Variants in ABCA10 observed in about 807,000 individuals in gnomAD.
ABCA10 encodes the protein ATP binding cassette subfamily A member 10.
ABCA10 carries 169 observed loss-of-function variants against 187.5 expected under a neutral mutation model. That is an observed-to-expected ratio of 0.90 (90% CI 0.80 to 1.02). The LOEUF (loss-of-function observed/expected upper bound fraction) is 1.02. Ranked by LOEUF, ABCA10 falls within the 50% of genes least tolerant of loss-of-function variation. The pLI is 0.00. For synonymous variants in ABCA10, 574 were observed against 601.8 expected, an observed-to-expected ratio of 0.95 and a Z score of 0.68; for missense variants, 1,727 against 1,812.4, an observed-to-expected ratio of 0.95 and a Z score of 0.86.
chr17:69,199,741 T>G (rs1161701223), intron 10 of ABCA10, among the ~76,000 whole-genome samples: 1 of 152,240 alleles, frequency 6.6e-6, no homozygotes, highest in Non-Finnish European at 1.5e-5. Context: ...CTCATGATCC[T>G]GGGCATTTAT....
intron 18 of ABCA10, among the ~76,000 whole-genome samples, chr17:69,189,941 CTTATT>C (rs923211243): frequency 1.3e-5 from 2 of 151,832 alleles, no homozygotes; most frequent in African/African-American, 2.4e-5. Flanking sequence ...GAAATAACAT[CTTATT>C]TTATTACTTC....
upstream of ABCA10, among the ~76,000 whole-genome samples, chr17:69,230,255 T>C (rs184308682): frequency 6.6e-6 from 1 of 152,262 alleles, no homozygotes; most frequent in East Asian, 1.9e-4. Flanking sequence ...TAAGTTTCTT[T>C]TCTTTATAAA....
chr17:69,153,910 G>C lies in ABCA10; in HGVS notation c.3886C>G (p.Leu1296Val). Residue 1296 changes from leucine (L) to valine (V), a missense_variant, in exon 32 of 39, where the codon CTT becomes GTT. Leu to Val is a conservative substitution (Grantham distance 32). Coordinates refer to ENST00000690296, the MANE Select transcript of ABCA10 (RefSeq NM_001377321.1). ...AACTCCAAGTGCTCTTTCATTGTAA[G>C]CTTGGGCCACAGTGAGTTCTCCTGA... ...CPQENSLWPK[L>V]TMKEHLELYA... is the part of the protein sequence containing the mutation. 6.2e-7 allele frequency: 1 copy of C among 1,614,092 alleles called. No homozygotes were observed. The highest frequency in any genetic ancestry group is 8.5e-7 in the Non-Finnish European group (1 of 1,179,986).
At chr17:69,179,527 C>T (rs1024598) in intron 22 of ABCA10, among the ~76,000 whole-genome samples, 84,194 of 151,994 alleles carry the variant, frequency 0.55, 25,006 homozygotes, top group Non-Finnish European at 0.67. Flanking sequence ...AGAGTAACTT[C>T]TTTCCTCAGC....
intron 11 of ABCA10, 75 bp downstream of exon 11, chr17:69,196,989 C>T: frequency 3.9e-6 from 4 of 1,024,880 alleles, no homozygotes; most frequent in Non-Finnish European, 5.3e-6. Flanking sequence ...CGCTTGGCAT[C>T]AGAGGGAGAC....
At position 69,182,431 on chromosome 17, in the gene ABCA10, G is replaced by A. The variant is rs890062089; in HGVS notation, c.2632-141C>T. The A allele has an allele frequency of 1.4e-5, 13 of 954,154 alleles. No individual in the cohort carries two copies. The Admixed American group carries it at 2.3e-4, about 17-fold the overall frequency. 59.1% of individuals were successfully genotyped at this position (954,154 alleles called of 1,614,324 possible). A position where few individuals can be genotyped will look rare whatever the true frequency, so the allele number is the denominator to read the frequency against. On this transcript the variant is annotated intron_variant, in intron 21 of 38. Coordinates refer to ENST00000690296, the MANE Select transcript of ABCA10 (RefSeq NM_001377321.1). ...TTGACACTTCTGCCTTCTTTGAATT[G>A]GTACAAGAATGCATTATTTTTGTAA...
rs780847872 is a variant in ABCA10 at position 69,197,107 on chromosome 17, T to A, written c.1191A>T (p.Ile397=). The part of the protein sequence containing the change: ...GKEAIRIRNV[I]KEYNGKTGKV... ...TTCCAGTCTTTCCATTATATTCTTT[T>A]ATAACATTTCTGATTCTGAAAGAAG... is the stretch of plus-strand genomic sequence containing the variant. Residue 397 remains isoleucine, a synonymous_variant, in exon 11 of 39, where the codon ATA becomes ATT. Coordinates refer to ENST00000690296, the MANE Select transcript of ABCA10 (RefSeq NM_001377321.1). The A allele has an allele frequency of 4.4e-6, 7 of 1,595,202 alleles. No individual in the cohort carries two copies. The highest frequency in any genetic ancestry group is 6.0e-6 in the Non-Finnish European group (7 of 1,165,642).
At chr17:69,244,298 A>T (rs1397686465) in intron 1 of ABCA10, 2 of 152,126 alleles carry the variant, frequency 1.3e-5, no homozygotes, top group African/African-American at 4.8e-5. Flanking sequence ...TACTTAAAAA[A>T]AATTACTAAC....
chr17:69,199,266 C>CTTCCT (rs10654119), intron 10 of ABCA10, among the ~76,000 whole-genome samples: 1 of 151,412 alleles, frequency 6.6e-6, no homozygotes, highest in Admixed American at 6.6e-5. Context: ...AGCTCTACTA[C>CTTCCT]TTATCAGTTA....
At position 69,225,345 on chromosome 17, in the gene ABCA10, G is replaced by T; in HGVS notation, c.14C>A (p.Ala5Asp). 6.2e-7 allele frequency: 1 copy of T among 1,613,042 alleles called. No homozygotes were observed. The highest frequency in any genetic ancestry group is 1.1e-5 in the South Asian group (1 of 91,008). ...CACACCTTTCATAAAGGAAGCCAAG[G>T]CCATCTTATTCATTATCCTTTGTGT... MNKMALASFMKGRTV... is the reference protein window; with the variant it reads MNKMDLASFMKGRTV... The change falls in exon 3 of 39, where the codon GCC becomes GAC. Residue 5 changes from alanine to aspartate, a missense_variant. Transcript: ENST00000690296.
intron 9 of ABCA10, among the ~76,000 whole-genome samples, chr17:69,202,818 A>G (rs1428881183): frequency 6.6e-6 from 1 of 152,194 alleles, no homozygotes; most frequent in Non-Finnish European, 1.5e-5. Context: ...AGATCTAAAG[A>G]AGGAAAGAAA....
chr17:69,219,676 A>T lies in ABCA10; in HGVS notation c.399T>A (p.Asn133Lys). 1.2e-6 allele frequency: 2 copies of T among 1,611,166 alleles called. No homozygotes were observed. Among genetic ancestry groups the T allele is most frequent in the Non-Finnish European group, 1.7e-6 (2 of 1,178,308 alleles). ...PPFISKGEIM[N>K]EWFHFTCLVS... ...CTAAGCAAGTAAAATGAAACCATTC[A>T]TTCATAATTTCTCCCTTAGAAATGA... The change falls in exon 6 of 39, where the codon AAT (asparagine) becomes AAA (lysine). Residue 133 changes from asparagine to lysine, a missense_variant. Coordinates refer to ENST00000690296, the MANE Select transcript of ABCA10 (RefSeq NM_001377321.1).
At chr17:69,202,741 G>A (rs1486113682) in intron 9 of ABCA10, among the ~76,000 whole-genome samples, 1 of 151,572 alleles carries the variant, frequency 6.6e-6, no homozygotes, top group Non-Finnish European at 1.5e-5. Flanking sequence ...GGGGCTCTAT[G>A]TATAATCAAT....
chr17:69,193,314 G>GAAAACAAGT (rs972687296), intron 14 of ABCA10, 66 bp from the exon 15 acceptor site: 4 of 1,575,736 alleles, frequency 2.5e-6, no homozygotes, highest in Non-Finnish European at 3.4e-6. Context: ...AAAGCACCAT[G>GAAAACAAGT]AAAACAAGTA....
chr17:69,222,741 T>C (rs1279716366), intron 3 of ABCA10, 44 bp from the exon 4 acceptor site: 4 of 1,497,278 alleles, frequency 2.7e-6, no homozygotes, highest in Non-Finnish European at 3.5e-6. Context: ...TGTAAACTTA[T>C]TACTAGAGGA....
intron 27 of ABCA10, 105 bp downstream of exon 27, chr17:69,163,969 A>G (rs898066649): frequency 4.5e-5 from 35 of 775,636 alleles, no homozygotes; most frequent in Non-Finnish European, 6.6e-5. Context: ...AAATACAGAA[A>G]GAGTGGGTAT....
intron 36 of ABCA10, among the ~76,000 whole-genome samples, chr17:69,151,537 A>G (rs1288328962): frequency 6.6e-6 from 1 of 152,180 alleles, no homozygotes; most frequent in African/African-American, 2.4e-5. Context: ...CAAGGGTTTG[A>G]TTACCATTAC....
chr17:69,219,240 A>G (rs1351403970), intron 6 of ABCA10, among the ~76,000 whole-genome samples: 1 of 152,156 alleles, frequency 6.6e-6, no homozygotes, highest in African/African-American at 2.4e-5. Context: ...GCCAAAGTCC[A>G]CCCATACTGC....
chr17:69,182,730 T>C lies in ABCA10; in HGVS notation c.2576A>G (p.Asn859Ser). 1.2e-6 allele frequency: 2 copies of C among 1,612,836 alleles called. No homozygotes were observed. Among genetic ancestry groups the C allele is most frequent in the Non-Finnish European group, 8.5e-7 (1 of 1,179,612 alleles). ...VLEIDDFRNR[N>S]GSDDPSYNGA... ...ATTGTAGGAGGGATCATCTGAGCCA[T>C]TTCTGTTTCTAAAGTCATCTATTTC... Residue 859 changes from asparagine to serine, a missense_variant, in exon 21 of 39, where the codon AAT becomes AGT. Physicochemically the swap from Asn to Ser is conservative, Grantham distance 46. Coordinates refer to ENST00000690296, the MANE Select transcript of ABCA10 (RefSeq NM_001377321.1).
Sources: allele counts gnomAD v4.1 joint callset (sites outside exome capture counted in the v4.1 genomes callset), GRCh38; gene constraint gnomAD v4.1.1; transcripts MANE v1.5; gene names NCBI Gene and HGNC (gene_info 2026-07-23, HGNC 2026-07-21).